LAMA4: variants seen among roughly 807,000 people sequenced by gnomAD.
The protein encoded by LAMA4 is laminin subunit alpha 4, also known as laminin subunit alpha-4.
In LAMA4, 127 loss-of-function variants were observed where a neutral mutation model predicts 207.1. That is an observed-to-expected ratio of 0.61 (90% CI 0.53 to 0.71). The LOEUF (loss-of-function observed/expected upper bound fraction) is 0.71. Ranked by LOEUF, LAMA4 falls within the 30% of genes least tolerant of loss-of-function variation. The pLI, the probability that LAMA4 is intolerant of heterozygous loss-of-function variation, is 0.00. For synonymous variants in LAMA4, 761 were observed against 816.0 expected (o/e 0.93, Z 1.15); for missense variants, 2,093 against 2,246.5 (o/e 0.93, Z 1.38).
chr6:112,190,409 A>AT (rs1252260531), intron 6 of LAMA4, among the ~76,000 whole-genome samples: 4 of 152,060 alleles, frequency 2.6e-5, no homozygotes, highest in East Asian at 1.9e-4. Flanking sequence ...TATATGTTGC[A>AT]TTTTTTTTAT....
chr6:112,115,784 A>C, intron 36 of LAMA4, 79 bp downstream of exon 36: 1 of 1,396,858 alleles, frequency 7.2e-7, no homozygotes, highest in Non-Finnish European at 1.0e-6. Context: ...TGATGAAATA[A>C]TTCTGTGAAA....
At chr6:112,174,569 T>C (rs1474652492) in intron 11 of LAMA4, among the ~76,000 whole-genome samples, 10 of 152,260 alleles carry the variant, frequency 6.6e-5, no homozygotes, top group South Asian at 2.1e-4. Flanking sequence ...CTTGGCTCAC[T>C]GCAACCTCCG....
chr6:112,237,169 T>C (rs1554366362), intron 2 of LAMA4, among the ~76,000 whole-genome samples: 1 of 152,032 alleles, frequency 6.6e-6, no homozygotes, highest in Non-Finnish European at 1.5e-5. Context: ...AAAAATACCG[T>C]CAGACAGGGA....
chr6:112,200,981 T>A (rs1554352226), intron 5 of LAMA4, among the ~76,000 whole-genome samples: 2 of 150,990 alleles, frequency 1.3e-5, no homozygotes, highest in Non-Finnish European at 2.9e-5. Context: ...TGTATACCTA[T>A]GTAAGAAACC....
chr6:112,146,093 C>T (rs1441924555), intron 18 of LAMA4, among the ~76,000 whole-genome samples: 1 of 152,076 alleles, frequency 6.6e-6, no homozygotes, highest in African/African-American at 2.4e-5. Context: ...AGGTTGAGAC[C>T]AGCCTGGCCA....
intron 10 of LAMA4, 61 bp from the exon 11 acceptor site, chr6:112,175,541 C>T (rs1554343465): frequency 6.5e-7 from 1 of 1,540,606 alleles, no homozygotes; most frequent in Non-Finnish European, 8.9e-7. Context: ...ACTAGAAATG[C>T]AAGGGAGCAA....
chr6:112,119,424 A>G, intron 33 of LAMA4, 113 bp from the exon 34 acceptor site: 1 of 1,186,294 alleles, frequency 8.4e-7, no homozygotes, highest in Admixed American at 1.8e-5. Flanking sequence ...AAATCTTCAG[A>G]AAGTTTATTT....
intron 10 of LAMA4, among the ~76,000 whole-genome samples, chr6:112,176,058 G>C (rs923162602): frequency 6.6e-6 from 1 of 152,154 alleles, no homozygotes; most frequent in Non-Finnish European, 1.5e-5. Flanking sequence ...TACAAAATGA[G>C]GGTTTGTTAT....
chr6:112,202,368 G>T (rs573451729), intron 4 of LAMA4, among the ~76,000 whole-genome samples: 3 of 152,102 alleles, frequency 2.0e-5, no homozygotes, highest in Admixed American at 6.5e-5. Flanking sequence ...CACTATTAAG[G>T]CAAGGGAAAT....
chr6:112,225,201 G>A (rs1785146218), intron 2 of LAMA4, among the ~76,000 whole-genome samples: 1 of 152,016 alleles, frequency 6.6e-6, no homozygotes, highest in East Asian at 1.9e-4. Flanking sequence ...CCACCCCCTT[G>A]TTTCTAAGTG....
chr6:112,228,205 C>T (rs1255682206), intron 2 of LAMA4, among the ~76,000 whole-genome samples: 3 of 152,120 alleles, frequency 2.0e-5, no homozygotes, highest in Non-Finnish European at 2.9e-5. Context: ...GTCCAGCTGG[C>T]CTGGAGTTGA....
chr6:112,212,283 G>A (rs1784394079), intron 3 of LAMA4, among the ~76,000 whole-genome samples: 1 of 150,962 alleles, frequency 6.6e-6, no homozygotes. Flanking sequence ...GAATGCGGTG[G>A]TGTGATCTTG....
At position 112,165,324 on chromosome 6, in the gene LAMA4, G is replaced by C. The variant is rs376887056; in HGVS notation, c.1552-48C>G. 264 of 1,243,154 alleles carry C rather than the reference G, an allele frequency of 2.1e-4. 1 individual carries two copies. Among genetic ancestry groups the C allele is most frequent in the Middle Eastern group, 1.1e-3 (6 of 5,340 alleles). 77.0% of individuals were successfully genotyped at this position (1,243,154 alleles called of 1,614,324 possible). A position where few individuals can be genotyped will look rare whatever the true frequency, so the allele number is the denominator to read the frequency against. ...AGAGTGAAGTGAATATGTCTTTAGGGAAAGCGTTGGGGAGAGCAGTAAATG... is the reference window on the plus strand; with the variant it reads ...AGAGTGAAGTGAATATGTCTTTAGGCAAAGCGTTGGGGAGAGCAGTAAATG... On this transcript the variant is annotated intron_variant, in intron 12 of 38. Transcript: ENST00000230538.
At chr6:112,201,582 G>A (rs1783748406) in intron 5 of LAMA4, 26 bp downstream of exon 5, 1 of 1,592,236 alleles carries the variant, frequency 6.3e-7, no homozygotes, top group Non-Finnish European at 8.6e-7. Flanking sequence ...GACCCACACA[G>A]AAAATAGAGA....
At chr6:112,231,822 G>T (rs1365495926) in intron 2 of LAMA4, among the ~76,000 whole-genome samples, 1 of 152,204 alleles carries the variant, frequency 6.6e-6, no homozygotes, top group African/African-American at 2.4e-5. Context: ...TTCTGACTGA[G>T]CCATGAAACC....
chr6:112,166,972 C>T (rs1562685227), intron 12 of LAMA4, among the ~76,000 whole-genome samples: 1 of 152,026 alleles, frequency 6.6e-6, no homozygotes, highest in Non-Finnish European at 1.5e-5. Context: ...TATAGTAATC[C>T]CTAAACAGTG....
In LAMA4 at chr6:112,129,128, C is replaced by T. The variant is rs183432687; in HGVS notation, c.4134-53G>A. The T allele has an allele frequency of 3.4e-4, 507 of 1,473,380 alleles. 1 individual carries two copies. In the African/African-American group the frequency reaches 6.8e-3, roughly 20 times the overall value. The allele number at this position is 1,473,380 out of a possible 1,614,324, so 91.3% of individuals were successfully genotyped here. The stretch of plus-strand genomic sequence containing the variant: ...ATATTAAAAATATTGTTCAGAATTA[C>T]ATGATGAATATTATGGAAGTGAAAG... On this transcript the variant is annotated intron_variant, in intron 30 of 38. Coordinates refer to ENST00000230538, the MANE Select transcript of LAMA4 (RefSeq NM_001105206.3).
chr6:112,177,204 G>T (rs573281771), intron 10 of LAMA4, among the ~76,000 whole-genome samples: 85 of 152,274 alleles, frequency 5.6e-4, no homozygotes, highest in Non-Finnish European at 1.0e-3. Context: ...CATGTCATTT[G>T]CTTTTATTGT....
At chr6:112,129,764 C>G in intron 30 of LAMA4, 112 bp downstream of exon 30, 1 of 877,748 alleles carries the variant, frequency 1.1e-6, no homozygotes, top group Non-Finnish European at 1.8e-6. Context: ...CTTTTAATTA[C>G]TATCCCCTAA....
Sources: allele counts gnomAD v4.1 joint callset (sites outside exome capture counted in the v4.1 genomes callset), GRCh38; gene constraint gnomAD v4.1.1; transcripts MANE v1.5; gene names NCBI Gene and HGNC (gene_info 2026-07-23, HGNC 2026-07-21).